Variants in EYS observed in about 807,000 individuals in gnomAD.
EYS encodes the protein EGF-like photoreceptor maintenance factor.
Under a neutral mutation model 282.1 loss-of-function variants are expected in EYS, and 250 were observed. The ratio of observed to expected loss-of-function variants is 0.89; its 90% CI spans 0.80 to 0.98. The LOEUF is 0.98. Among genes scored for constraint, EYS ranks in the 50% least tolerant of loss-of-function variants. EYS has a pLI of 0.00. For synonymous variants in EYS, 1,355 were observed against 1,282.9 expected (o/e 1.06, Z -1.20); for missense variants, 4,016 against 3,709.0 (o/e 1.08, Z -2.15).
At chr6:64,077,416 A>G (rs1412368840) in intron 32 of EYS, among the ~76,000 whole-genome samples, 1 of 151,980 alleles carries the variant, frequency 6.6e-6, no homozygotes, top group East Asian at 1.9e-4. Context: ...TTTAGATTTC[A>G]TTTGTTTTCT....
intron 35 of EYS, among the ~76,000 whole-genome samples, chr6:63,889,450 G>T (rs756253678): frequency 6.6e-6 from 1 of 152,138 alleles, no homozygotes; most frequent in South Asian, 2.1e-4. Flanking sequence ...GAAACCAGAA[G>T]AGTGGGTGTC....
At chr6:65,496,421 G>A (rs982206159) in intron 2 of EYS, among the ~76,000 whole-genome samples, 5 of 151,874 alleles carry the variant, frequency 3.3e-5, no homozygotes, top group South Asian at 2.1e-4. Context: ...GGTTTTCTCT[G>A]TACAAATCAC....
chr6:64,421,360 C>T (rs1561985467), intron 28 of EYS, among the ~76,000 whole-genome samples: 1 of 152,182 alleles, frequency 6.6e-6, no homozygotes, highest in East Asian at 1.9e-4. Flanking sequence ...CTCCCATGAA[C>T]GTGGGGATTA....
chr6:63,952,161 C>A (rs1765624277), intron 35 of EYS, among the ~76,000 whole-genome samples: 1 of 152,250 alleles, frequency 6.6e-6, no homozygotes. Context: ...AGGACCTCCT[C>A]CATCAGGATC....
chr6:64,994,455 G>A (rs558305659), intron 14 of EYS, among the ~76,000 whole-genome samples: 232 of 152,220 alleles, frequency 1.5e-3, no homozygotes, highest in Non-Finnish European at 2.6e-3. Context: ...CAGTGGGATT[G>A]CCTGGGTTCA....
chr6:65,421,454 T>C (rs1411263821), intron 5 of EYS, among the ~76,000 whole-genome samples: 1 of 151,740 alleles, frequency 6.6e-6, no homozygotes, highest in Non-Finnish European at 1.5e-5. Flanking sequence ...TTTGGTCTTC[T>C]ATTCAGACCA....
rs186323372 is a variant in EYS at position 63,883,567 on chromosome 6, A to G, written c.7056-19209T>C. Among the ~76,000 whole-genome samples, 587 of 152,332 alleles carry G rather than the reference A, an allele frequency of 3.9e-3. 1 individual carries two copies. Among genetic ancestry groups the G allele is most frequent in the Non-Finnish European group, 6.6e-3 (452 of 68,024 alleles). Reference sequence around the variant, plus strand: ...TAGGCTACTCAGGATGTCCCAGCAGAATAGAATCCTCGAAGTAGGGACTCT... The same window carrying G: ...TAGGCTACTCAGGATGTCCCAGCAGGATAGAATCCTCGAAGTAGGGACTCT... On this transcript the variant is annotated intron_variant, in intron 35 of 42. Transcript: ENST00000503581.
chr6:65,538,600 G>A (rs1401328892), intron 2 of EYS, among the ~76,000 whole-genome samples: 2 of 152,144 alleles, frequency 1.3e-5, no homozygotes, highest in Non-Finnish European at 2.9e-5. Flanking sequence ...AGCAGAGAAT[G>A]TCATGAATAG....
rs1295895460 is a variant in EYS, at chr6:65,148,259, T to C, written c.2024-90532A>G. On this transcript the variant is annotated intron_variant, in intron 12 of 42. Coordinates refer to ENST00000503581, the MANE Select transcript of EYS (RefSeq NM_001142800.2). ...CTGCCTATGAGCCTGTAAAATCAAA[T>C]GCAAGTTAGTTAATTCCTTGGTACA... Among the ~76,000 whole-genome samples, 6 of 152,242 alleles carry C rather than the reference T, an allele frequency of 3.9e-5. No individual in the cohort carries two copies. In the East Asian group the frequency reaches 1.2e-3, roughly 30 times the overall value.
chr6:65,557,168 G>T (rs1036144485), intron 2 of EYS, among the ~76,000 whole-genome samples: 1 of 152,150 alleles, frequency 6.6e-6, no homozygotes, highest in Non-Finnish European at 1.5e-5. Context: ...TCTGTGGCCA[G>T]TAAAGCCTCT....
chr6:64,574,314 T>C (rs1414260467), intron 26 of EYS, among the ~76,000 whole-genome samples: 2 of 152,024 alleles, frequency 1.3e-5, no homozygotes, highest in Non-Finnish European at 2.9e-5. Flanking sequence ...TTAGGAGAAA[T>C]ACCTAATGTA....
At chr6:64,934,646 A>T (rs1452375569) in intron 15 of EYS, among the ~76,000 whole-genome samples, 1 of 151,936 alleles carries the variant, frequency 6.6e-6, no homozygotes, top group Non-Finnish European at 1.5e-5. Flanking sequence ...ACTATCAACC[A>T]TGAATTCTAT....
chr6:64,240,894 T>G (rs1766801824), intron 30 of EYS, among the ~76,000 whole-genome samples: 6 of 152,224 alleles, frequency 3.9e-5, no homozygotes, highest in African/African-American at 1.4e-4. Context: ...AGGTTTGTCA[T>G]AAATAGCTCT....
intron 12 of EYS, among the ~76,000 whole-genome samples, chr6:65,178,601 C>A (rs1765290438): frequency 6.6e-6 from 1 of 152,002 alleles, no homozygotes; most frequent in Non-Finnish European, 1.5e-5. Context: ...GACTCCCACA[C>A]ATTAATAGTG....
intron 14 of EYS, among the ~76,000 whole-genome samples, chr6:64,980,250 G>A (rs949826264): frequency 6.6e-6 from 1 of 151,446 alleles, no homozygotes; most frequent in Non-Finnish European, 1.5e-5. Context: ...AATGATCTCA[G>A]TTTAAATGCT....
chr6:63,828,903 C>T (rs1048738074), intron 36 of EYS, among the ~76,000 whole-genome samples: 1 of 152,146 alleles, frequency 6.6e-6, no homozygotes, highest in Admixed American at 6.5e-5. Context: ...AGAATGTAAA[C>T]TAGAAAACTG....
chr6:64,850,487 G>T (rs553631776), intron 19 of EYS, among the ~76,000 whole-genome samples: 1 of 152,084 alleles, frequency 6.6e-6, no homozygotes, highest in African/African-American at 2.4e-5. Flanking sequence ...AAGTTAATTA[G>T]GTGAATAGGG....
intron 28 of EYS, among the ~76,000 whole-genome samples, chr6:64,434,166 T>G (rs987946386): frequency 1.3e-5 from 2 of 151,992 alleles, no homozygotes; most frequent in African/African-American, 4.8e-5. Flanking sequence ...GTAGATGATA[T>G]GAAGACACAG....
intron 31 of EYS, among the ~76,000 whole-genome samples, chr6:64,098,696 G>A (rs1323644367): frequency 6.6e-6 from 1 of 151,756 alleles, no homozygotes; most frequent in Non-Finnish European, 1.5e-5. Flanking sequence ...TGCCTCTGGG[G>A]TTCAAGCCAT....
Sources: allele counts gnomAD v4.1 joint callset (sites outside exome capture counted in the v4.1 genomes callset), GRCh38; gene constraint gnomAD v4.1.1; transcripts MANE v1.5; gene names NCBI Gene and HGNC (gene_info 2026-07-23, HGNC 2026-07-21).